SPRED1: variants seen among roughly 807,000 people sequenced by gnomAD.
SPRED1 encodes sprouty related EVH1 domain containing 1.
SPRED1 carries 18 observed loss-of-function variants against 52.3 expected under a neutral mutation model. That is an observed-to-expected ratio of 0.34 (90% CI 0.24 to 0.51). SPRED1 has a LOEUF of 0.51. Among genes scored for constraint, SPRED1 ranks in the 20% least tolerant of loss-of-function variants. SPRED1 has a pLI of 0.97. For missense variants in SPRED1, 485 were observed against 551.0 expected (o/e 0.88, Z 1.20); for synonymous variants, 155 against 179.7 (o/e 0.86, Z 1.10).
At chr15:38,346,838 T>G (rs973893808) in intron 5 of SPRED1, among the ~76,000 whole-genome samples, 1 of 152,220 alleles carries the variant, frequency 6.6e-6, no homozygotes, top group African/African-American at 2.4e-5. Context: ...GTGTACCACC[T>G]ACAGGGGATA....
Position 38,351,076 on chromosome 15 carries a change from C to A in SPRED1, c.747C>A (p.Asn249Lys). 5 of 1,613,884 alleles carry A rather than the reference C, an allele frequency of 3.1e-6. No individual in the cohort carries two copies. The highest frequency in any genetic ancestry group is 3.3e-4 in the Middle Eastern group (2 of 6,062). The stretch of plus-strand genomic sequence containing the variant: ...ATGAGGATGAGATTGTCAGAATAAA[C>A]CCTCGAGATATCTTAATACGTCGCT... Reference protein sequence around the residue: ...FQDEDEIVRINPRDILIRRYA... With the variant: ...FQDEDEIVRIKPRDILIRRYA... Residue 249 changes from asparagine to lysine, a missense_variant, in exon 7 of 7, where the codon AAC becomes AAA. Transcript: ENST00000299084.
intron 1 of SPRED1, among the ~76,000 whole-genome samples, chr15:38,287,977 C>G (rs1566855900): frequency 6.6e-6 from 1 of 152,038 alleles, no homozygotes; most frequent in African/African-American, 2.4e-5. Context: ...ACTCCTGGTT[C>G]CTGGAAAGAC....
At chr15:38,302,822 T>C (rs1425676704) in intron 2 of SPRED1, among the ~76,000 whole-genome samples, 2 of 152,150 alleles carry the variant, frequency 1.3e-5, no homozygotes, top group Non-Finnish European at 2.9e-5. Flanking sequence ...AGTACTACCT[T>C]TCTTTGAGAC....
chr15:38,344,495 A>G (rs796696123), intron 5 of SPRED1, among the ~76,000 whole-genome samples: 10 of 152,256 alleles, frequency 6.6e-5, no homozygotes, highest in African/African-American at 2.2e-4. Flanking sequence ...GAAAGTACAA[A>G]AAGTGCTGAA....
In SPRED1 at chr15:38,321,373, A is replaced by G. The variant is rs536860605; in HGVS notation, c.208-868A>G. ...TCATGCATTGCATGAAGCTCTTAAC[A>G]TGAATGCACATTCGGTCATTCCACT... On this transcript the variant is annotated intron_variant, in intron 2 of 6. Transcript: ENST00000299084. Among the ~76,000 whole-genome samples the G allele has an allele frequency of 2.6e-5, 4 of 152,290 alleles. No individual in the cohort carries two copies. The South Asian group carries it at 8.3e-4, about 32-fold the overall frequency.
In SPRED1 at chr15:38,299,421, A is replaced by G; in HGVS notation, c.81A>G (p.Ser27=). 6.2e-7 allele frequency: 1 copy of G among 1,613,988 alleles called. No individual in the cohort carries two copies. The change falls in exon 2 of 7, where the codon TCA becomes TCG. Residue 27 remains serine, a synonymous_variant. Transcript: ENST00000299084. ...VRAVVMTRDD[S]SGGWLPLGGS... ...CTGTGGTGATGACCCGAGATGACTC[A>G]AGTGGTGGATGGTTACCACTTGGAG...
At chr15:38,277,686 G>A (rs1371658211) in intron 1 of SPRED1, among the ~76,000 whole-genome samples, 4 of 152,142 alleles carry the variant, frequency 2.6e-5, no homozygotes, top group Non-Finnish European at 4.4e-5. Flanking sequence ...TTCAGAAATC[G>A]CCAAACTGCT....
chr15:38,332,966 A>T (rs1383008149), intron 4 of SPRED1, among the ~76,000 whole-genome samples: 2 of 152,184 alleles, frequency 1.3e-5, no homozygotes, highest in Non-Finnish European at 2.9e-5. Context: ...AAAGAACAGG[A>T]CAGCACTCTG....
At position 38,349,505 on chromosome 15, in the gene SPRED1, C is replaced by A. The variant is rs1896209442; in HGVS notation, c.666C>A (p.Ser222Arg). 7 of 1,610,772 alleles carry A rather than the reference C, an allele frequency of 4.3e-6. No homozygotes were observed. Among genetic ancestry groups the A allele is most frequent in the Non-Finnish European group, 5.1e-6 (6 of 1,177,470 alleles). ...GGCAAATATCCAAGGAATGTGGAAG[C>A]CTAAAGTCCCAAAATAGGGTAAGTA... ...VQRQISKECG[S>R]LKSQNRVPLK... The change falls in exon 6 of 7, where the codon AGC becomes AGA. Residue 222 changes from serine to arginine, a missense_variant. Coordinates refer to ENST00000299084, the MANE Select transcript of SPRED1 (RefSeq NM_152594.3).
intron 1 of SPRED1, 163 bp from the exon 2 acceptor site, chr15:38,299,210 C>A: frequency 1.2e-6 from 1 of 807,044 alleles, no homozygotes; most frequent in African/African-American, 1.7e-5. Context: ...TGGTTTTTGA[C>A]CTCTTTCAAG....
At chr15:38,327,284 T>C (rs1194107378) in intron 4 of SPRED1, among the ~76,000 whole-genome samples, 1 of 152,110 alleles carries the variant, frequency 6.6e-6, no homozygotes, top group Non-Finnish European at 1.5e-5. Context: ...ATATAAATAA[T>C]TGGTGTTCAA....
intron 1 of SPRED1, among the ~76,000 whole-genome samples, chr15:38,279,858 A>G (rs1894650641): frequency 6.6e-6 from 1 of 152,208 alleles, no homozygotes; most frequent in Non-Finnish European, 1.5e-5. Context: ...TATCTAGGAT[A>G]ATTTTAGGAG....
chr15:38,300,177 G>A (rs896108904), intron 2 of SPRED1, among the ~76,000 whole-genome samples: 38 of 151,660 alleles, frequency 2.5e-4, no homozygotes, highest in African/African-American at 6.8e-4. Flanking sequence ...TAAAATTTCA[G>A]TTTAACCTTT....
At chr15:38,256,950 A>G (rs1894110940) in intron 1 of SPRED1, among the ~76,000 whole-genome samples, 1 of 151,962 alleles carries the variant, frequency 6.6e-6, no homozygotes, top group African/African-American at 2.4e-5. Context: ...AAATTTGCTT[A>G]TTATTCAGTT....
At chr15:38,268,210 TCA>T (rs1894352794) in intron 1 of SPRED1, 1 of 152,244 alleles carries the variant, frequency 6.6e-6, no homozygotes, top group African/African-American at 2.4e-5. Flanking sequence ...CTGCAGTCCC[TCA>T]CAGCTCAGCC....
chr15:38,309,808 TC>T (rs1041360725), intron 2 of SPRED1, among the ~76,000 whole-genome samples: 1 of 152,212 alleles, frequency 6.6e-6, no homozygotes, highest in African/African-American at 2.4e-5. Flanking sequence ...GGGTTTTTTT[TC>T]CTATGAATGT....
At chr15:38,308,032 A>G (rs1400392307) in intron 2 of SPRED1, among the ~76,000 whole-genome samples, 1 of 152,160 alleles carries the variant, frequency 6.6e-6, no homozygotes, top group African/African-American at 2.4e-5. Flanking sequence ...ATTTAAAGGA[A>G]TTTCTAATGT....
intron 1 of SPRED1, among the ~76,000 whole-genome samples, chr15:38,257,095 C>T (rs934858266): frequency 6.6e-6 from 1 of 152,138 alleles, no homozygotes; most frequent in Non-Finnish European, 1.5e-5. Flanking sequence ...AATTCCTCTC[C>T]TTACAAACTT....
intron 4 of SPRED1, among the ~76,000 whole-genome samples, chr15:38,337,490 T>C (rs1027231663): frequency 2.6e-5 from 4 of 152,192 alleles, no homozygotes; most frequent in African/African-American, 9.7e-5. Flanking sequence ...TATGAACTAT[T>C]CCTAGTTAAT....
Sources: gnomAD v4.1 joint callset for allele counts (sites outside exome capture counted in the v4.1 genomes callset) on GRCh38, gnomAD v4.1.1 for gene constraint, MANE v1.5 for transcripts, NCBI Gene and HGNC (gene_info 2026-07-23, HGNC 2026-07-21) for gene names.